Variants in NNT observed in about 807,000 individuals in gnomAD.
NNT encodes the protein nicotinamide nucleotide transhydrogenase.
NNT carries 50 observed loss-of-function variants against 104.8 expected under a neutral mutation model. The ratio of observed to expected loss-of-function variants is 0.48; its 90% CI spans 0.38 to 0.60. The LOEUF (loss-of-function observed/expected upper bound fraction) is 0.60. Ranked by LOEUF, NNT falls within the 20% of genes least tolerant of loss-of-function variation. The pLI is 0.00. For missense variants in NNT, 1,131 were observed against 1,330.7 expected (o/e 0.85, Z 2.33); for synonymous variants, 461 against 490.4 (o/e 0.94, Z 0.79).
At chr5:43,695,591 A>T (rs754078055) in intron 19 of NNT, among the ~76,000 whole-genome samples, 5 of 152,214 alleles carry the variant, frequency 3.3e-5, no homozygotes, top group African/African-American at 4.8e-5. Context: ...GTAGGTCAGG[A>T]TGTCTGTCAT....
chr5:43,694,756 G>GTA (rs1742471893), intron 19 of NNT, among the ~76,000 whole-genome samples: 1 of 151,476 alleles, frequency 6.6e-6, no homozygotes, highest in African/African-American at 2.4e-5. Flanking sequence ...GTGTGTGTGT[G>GTA]TGTGTGTGTG....
intron 19 of NNT, among the ~76,000 whole-genome samples, chr5:43,693,366 A>G (rs1174591041): frequency 6.6e-6 from 1 of 152,236 alleles, no homozygotes; most frequent in African/African-American, 2.4e-5. Context: ...GGTTTAGAAA[A>G]ATACCTCTTA....
At chr5:43,649,100 GAT>G in intron 10 of NNT, 45 bp from the exon 11 acceptor site, 1 of 1,598,222 alleles carries the variant, frequency 6.3e-7, no homozygotes, top group Non-Finnish European at 8.6e-7. Flanking sequence ...ATCTTACTGA[GAT>G]AACTGGATGT....
chr5:43,631,604 G>C (rs962103246), intron 7 of NNT, among the ~76,000 whole-genome samples: 1 of 152,160 alleles, frequency 6.6e-6, no homozygotes, highest in Non-Finnish European at 1.5e-5. Flanking sequence ...TAAAGAGCTA[G>C]GGATAATTTG....
intron 17 of NNT, among the ~76,000 whole-genome samples, chr5:43,674,311 C>T (rs556899866): frequency 6.6e-6 from 1 of 152,172 alleles, no homozygotes; most frequent in Non-Finnish European, 1.5e-5. Context: ...CTGCCTTTGT[C>T]TGGGCCCTAC....
rs1328739723 is a variant in NNT at position 43,704,307 on chromosome 5, C to G, written c.3164C>G (p.Pro1055Arg). Residue 1055 changes from proline to arginine, a missense_variant, in exon 22 of 22, where the codon CCA (proline) becomes CGA (arginine). Physicochemically the swap from Pro to Arg is moderately radical, Grantham distance 103. Transcript: ENST00000344920. ...LGVGYAAVDN[P>R]IFYKPNTAML... ...GTTGGCTATGCTGCAGTGGACAATCCAATCTTCTACAAACCTAACACGGCC... is the reference window on the plus strand; with the variant it reads ...GTTGGCTATGCTGCAGTGGACAATCGAATCTTCTACAAACCTAACACGGCC... 5.6e-6 allele frequency: 9 copies of G among 1,609,268 alleles called. No homozygotes were observed. Among genetic ancestry groups the G allele is most frequent in the Non-Finnish European group, 6.8e-6 (8 of 1,177,974 alleles).
intron 14 of NNT, among the ~76,000 whole-genome samples, chr5:43,653,741 G>A (rs1739892554): frequency 6.6e-6 from 1 of 151,958 alleles, no homozygotes; most frequent in African/African-American, 2.4e-5. Context: ...GATCACTTGA[G>A]GCCAGGAGTT....
chr5:43,698,207 A>T (rs1021411202), intron 19 of NNT, among the ~76,000 whole-genome samples: 4 of 151,672 alleles, frequency 2.6e-5, no homozygotes, highest in African/African-American at 7.3e-5. Context: ...AATATATGAA[A>T]ATATATATAT....
At chr5:43,645,707 A>C (rs1437419115) in intron 10 of NNT, 197 bp downstream of exon 10, 1 of 85,240 alleles carries the variant, frequency 1.2e-5, no homozygotes, top group Non-Finnish European at 2.2e-5. Flanking sequence ...ATATATATAT[A>C]TATTTTTTTT....
At chr5:43,661,254 CT>C (rs2111978035) in intron 17 of NNT, among the ~76,000 whole-genome samples, 1 of 152,218 alleles carries the variant, frequency 6.6e-6, no homozygotes, top group Admixed American at 6.5e-5. Context: ...TGAAATTGTA[CT>C]AGAAATACAG....
chr5:43,638,509 T>C (rs754411921), intron 7 of NNT, among the ~76,000 whole-genome samples: 1 of 152,172 alleles, frequency 6.6e-6, no homozygotes, highest in Non-Finnish European at 1.5e-5. Context: ...TTAGTCAATA[T>C]AGAGACTACA....
chr5:43,604,581 T>C (rs1430345016), intron 1 of NNT, among the ~76,000 whole-genome samples: 1 of 152,204 alleles, frequency 6.6e-6, no homozygotes, highest in East Asian at 1.9e-4. Context: ...TGACTTCCTC[T>C]GTGTTGTGCA....
intron 7 of NNT, among the ~76,000 whole-genome samples, chr5:43,642,510 AT>A (rs1044373473): frequency 2.6e-5 from 4 of 152,214 alleles, no homozygotes; most frequent in African/African-American, 9.6e-5. Context: ...ACTTCAGGGT[AT>A]TGTCTCTGGG....
intron 19 of NNT, among the ~76,000 whole-genome samples, chr5:43,690,700 T>C (rs1742224601): frequency 6.6e-6 from 1 of 151,416 alleles, no homozygotes. Context: ...CTTCCATAAA[T>C]AAAAGGCTGT....
At chr5:43,676,639 GGT>G (rs1741429690) in intron 18 of NNT, among the ~76,000 whole-genome samples, 1 of 152,082 alleles carries the variant, frequency 6.6e-6, no homozygotes, top group Admixed American at 6.6e-5. Flanking sequence ...AAGTAGCATT[GGT>G]CTTACCTATT....
At chr5:43,606,433 A>G (rs925439547) in intron 1 of NNT, among the ~76,000 whole-genome samples, 1 of 152,246 alleles carries the variant, frequency 6.6e-6, no homozygotes, top group Non-Finnish European at 1.5e-5. Flanking sequence ...ATTCTCAGCC[A>G]TGATAACTCT....
chr5:43,688,332 A>G (rs1156784065), intron 19 of NNT, among the ~76,000 whole-genome samples: 1 of 152,168 alleles, frequency 6.6e-6, no homozygotes, highest in Admixed American at 6.5e-5. Flanking sequence ...TAGCCCCCCC[A>G]CCAAGGAAAG....
intron 18 of NNT, 83 bp downstream of exon 18, chr5:43,675,753 A>G (rs1359204717): frequency 9.6e-7 from 1 of 1,040,754 alleles, no homozygotes; most frequent in Non-Finnish European, 1.3e-6. Context: ...AGGAAAGTAG[A>G]ATTGAAACTT....
intron 7 of NNT, among the ~76,000 whole-genome samples, chr5:43,635,551 C>T (rs1483082718): frequency 6.6e-6 from 1 of 152,160 alleles, no homozygotes; most frequent in Non-Finnish European, 1.5e-5. Flanking sequence ...GCTGCCATAA[C>T]AAAATACCAC....
Sources: allele counts gnomAD v4.1 joint callset (sites outside exome capture counted in the v4.1 genomes callset), GRCh38; gene constraint gnomAD v4.1.1; transcripts MANE v1.5; gene names NCBI Gene and HGNC (gene_info 2026-07-23, HGNC 2026-07-21).